The following ACTN1 variants were observed in gnomAD, a reference collection of about 807,000 sequenced individuals.
The protein encoded by ACTN1 is alpha-actinin-1.
In ACTN1, 30 loss-of-function variants were observed where a neutral mutation model predicts 119.6. The ratio of observed to expected loss-of-function variants is 0.25; its 90% CI spans 0.19 to 0.34. ACTN1 has a LOEUF of 0.34. Ranked by LOEUF, ACTN1 falls within the 10% of genes least tolerant of loss-of-function variation. ACTN1 has a pLI of 1.00. For synonymous variants in ACTN1, 429 were observed against 472.6 expected (o/e 0.91, Z 1.20); for missense variants, 764 against 1,223.4 (o/e 0.62, Z 5.60).
intron 1 of ACTN1, among the ~76,000 whole-genome samples, chr14:68,952,520 G>T (rs2036202099): frequency 6.6e-6 from 1 of 152,168 alleles, no homozygotes; most frequent in East Asian, 1.9e-4. Context: ...TTGGGATGGG[G>T]TCAAAGAATG....
chr14:68,977,865 GGGACC>G, intron 1 of ACTN1: 1 of 446,138 alleles, frequency 2.2e-6, no homozygotes, highest in Non-Finnish European at 4.5e-6. Context: ...GAAACGGGGA[GGGACC>G]GGATGGAAGT....
At chr14:68,887,560 A>G (rs1245768236) in intron 11 of ACTN1, 7 of 1,338,828 alleles carry the variant, frequency 5.2e-6, no homozygotes, top group East Asian at 3.5e-5. Context: ...AATATCCCAC[A>G]CTATTTTCTG....
intron 8 of ACTN1, among the ~76,000 whole-genome samples, chr14:68,899,779 A>G (rs1228536250): frequency 6.6e-6 from 1 of 152,292 alleles, no homozygotes; most frequent in East Asian, 1.9e-4. Context: ...AGAAGGGGAG[A>G]GACTGGAAGA....
intron 1 of ACTN1, among the ~76,000 whole-genome samples, chr14:68,942,469 G>C (rs544354032): frequency 1.3e-5 from 2 of 152,298 alleles, no homozygotes; most frequent in Admixed American, 1.3e-4. Context: ...TTTCTGCAGA[G>C]CATCACCATG....
intron 11 of ACTN1, chr14:68,888,112 G>A: frequency 1.6e-6 from 1 of 628,594 alleles, no homozygotes; most frequent in Admixed American, 2.4e-5. Context: ...CGCGTGCCAG[G>A]TGTCTGCGGG....
At position 68,882,998 on chromosome 14, in the gene ACTN1, G is replaced by A. The variant is rs745353238; in HGVS notation, c.1693C>T (p.Arg565Cys). ...TTGTGGATGCCCAGGATGGCCAGGC[G>A]CTCCTTGTCGGCATCAGGGAGGGTG... ...KATLPDADKE[R>C]LAILGIHNEV... Residue 565 changes from arginine (R) to cysteine (C), a missense_variant, in exon 15 of 22, where the codon CGC becomes TGC. By Grantham distance (180) the Arg-to-Cys change is radical. Coordinates refer to ENST00000394419, the MANE Select transcript of ACTN1 (RefSeq NM_001130004.2). The surrounding 1 kb of genome is among the most constrained non-coding windows in gnomAD (Gnocchi z 4.5). 11 of 1,614,092 alleles carry A rather than the reference G, an allele frequency of 6.8e-6. No homozygotes were observed. The highest frequency in any genetic ancestry group is 6.7e-5 in the African/African-American group (5 of 74,922).
chr14:68,931,069 C>T (rs1475541212), intron 1 of ACTN1, among the ~76,000 whole-genome samples: 1 of 152,202 alleles, frequency 6.6e-6, no homozygotes, highest in African/African-American at 2.4e-5. Context: ...TTCTGCTCCA[C>T]CCGAATGACG....
intron 16 of ACTN1, 118 bp from the exon 17 acceptor site, chr14:68,881,107 G>T: frequency 1.0e-6 from 1 of 971,372 alleles, no homozygotes; most frequent in Non-Finnish European, 1.5e-6. Flanking sequence ...TCCCATCCCA[G>T]CCCTAAGGAG....
chr14:68,962,460 C>A (rs1455023254), intron 1 of ACTN1, among the ~76,000 whole-genome samples: 1 of 152,192 alleles, frequency 6.6e-6, no homozygotes. Flanking sequence ...AGGTCACTTA[C>A]CCACCCTCCC....
At chr14:68,912,014 G>GCT in intron 4 of ACTN1, 142 bp downstream of exon 4, 1 of 677,494 alleles carries the variant, frequency 1.5e-6, no homozygotes. Flanking sequence ...GGAGGAGAAG[G>GCT]CTGATGCCCA....
At chr14:68,923,480 G>T (rs2034758809) in intron 2 of ACTN1, among the ~76,000 whole-genome samples, 1 of 152,016 alleles carries the variant, frequency 6.6e-6, no homozygotes, top group African/African-American at 2.4e-5. Flanking sequence ...AACTGGGGAA[G>T]GGTAGTGGAG....
At chr14:68,924,380 AG>A (rs148158230) in intron 2 of ACTN1, among the ~76,000 whole-genome samples, 1,921 of 152,366 alleles carry the variant, frequency 0.013, 37 homozygotes, top group African/African-American at 0.044. Flanking sequence ...GGAAACAGAA[AG>A]TGCATGTCAT....
chr14:68,934,183 T>C (rs973860972), intron 1 of ACTN1, among the ~76,000 whole-genome samples: 2 of 152,212 alleles, frequency 1.3e-5, no homozygotes, highest in African/African-American at 2.4e-5. Context: ...CACGTAATAA[T>C]GTATGACATG....
Position 68,882,374 on chromosome 14 carries a change from G to T in ACTN1, c.1953+84C>A. ...CTCAGTCCTCCATGGGTCCCACCCA[G>T]GGAGACAGGCAGCCTGGCTGGCTAG... is the stretch of plus-strand genomic sequence containing the variant. On this transcript the variant is annotated intron_variant, in intron 16 of 21. Transcript: ENST00000394419. The surrounding 1 kb of genome is among the most constrained non-coding windows in gnomAD (Gnocchi z 4.5). 1 of 1,559,924 alleles carries T rather than the reference G, an allele frequency of 6.4e-7. No homozygotes were observed. The highest frequency in any genetic ancestry group is 1.2e-5 in the South Asian group (1 of 83,430).
Position 68,930,567 on chromosome 14 carries a change from G to A in ACTN1, c.106-4895C>T, listed in dbSNP as rs567308138. 2.6e-5 allele frequency among the ~76,000 whole-genome samples: 4 copies of A among 152,230 alleles called. No homozygotes were observed. In the East Asian group the frequency reaches 7.7e-4, roughly 29 times the overall value. Reference sequence around the variant, plus strand: ...AAATCACAAGACCCTAAAGCAGGAGGGCCATGGGATTCACTCGGATCACTC... The same window carrying A: ...AAATCACAAGACCCTAAAGCAGGAGAGCCATGGGATTCACTCGGATCACTC... On this transcript the variant is annotated intron_variant, in intron 1 of 21. Transcript: ENST00000394419.
intron 14 of ACTN1, chr14:68,883,259 G>A (rs1161016011): frequency 3.4e-6 from 2 of 593,334 alleles, no homozygotes; most frequent in African/African-American, 1.9e-5. Flanking sequence ...TCATCCTTAG[G>A]GCTGGTCAAA....
intron 1 of ACTN1, among the ~76,000 whole-genome samples, chr14:68,930,961 T>C (rs943162808): frequency 6.6e-6 from 1 of 152,126 alleles, no homozygotes; most frequent in Non-Finnish European, 1.5e-5. Context: ...ACTTTACGAC[T>C]AAGGACACAA....
intron 1 of ACTN1, among the ~76,000 whole-genome samples, chr14:68,941,434 T>C (rs2140491383): frequency 6.6e-6 from 1 of 152,296 alleles, no homozygotes; most frequent in East Asian, 1.9e-4. Context: ...GACCACACTC[T>C]GAGGACCAAG....
intron 8 of ACTN1, among the ~76,000 whole-genome samples, chr14:68,894,399 C>T (rs1005005924): frequency 3.9e-5 from 6 of 152,180 alleles, no homozygotes; most frequent in Non-Finnish European, 7.3e-5. Flanking sequence ...CAGCTAAGCA[C>T]ACATCATGCG....
Sources: allele counts gnomAD v4.1 joint callset (sites outside exome capture counted in the v4.1 genomes callset), GRCh38; gene constraint gnomAD v4.1.1; non-coding constraint Gnocchi (gnomAD v3.1); transcripts MANE v1.5; gene names NCBI Gene and HGNC (gene_info 2026-07-23, HGNC 2026-07-21).